ARHGAP10: variants seen among roughly 807,000 people sequenced by gnomAD.
The protein encoded by ARHGAP10 is Rho GTPase activating protein 10.
ARHGAP10 carries 87 observed loss-of-function variants against 108.6 expected under a neutral mutation model. That is an observed-to-expected ratio of 0.80 (90% CI 0.67 to 0.96). The LOEUF (loss-of-function observed/expected upper bound fraction) is 0.96. Ranked by LOEUF, ARHGAP10 falls within the 40% of genes least tolerant of loss-of-function variation. The pLI, the probability that ARHGAP10 is intolerant of heterozygous loss-of-function variation, is 0.00. For missense variants in ARHGAP10, 939 were observed against 954.5 expected (o/e 0.98, Z 0.21); for synonymous variants, 347 against 341.1 (o/e 1.02, Z -0.19).
intron 18 of ARHGAP10, among the ~76,000 whole-genome samples, chr4:148,019,872 G>T (rs989145401): frequency 6.6e-6 from 1 of 152,098 alleles, no homozygotes; most frequent in Non-Finnish European, 1.5e-5. Flanking sequence ...TCTGTGATTT[G>T]CTACCTGTGT....
chr4:148,031,800 C>T (rs1424796066), intron 19 of ARHGAP10, among the ~76,000 whole-genome samples: 1 of 152,158 alleles, frequency 6.6e-6, no homozygotes, highest in Non-Finnish European at 1.5e-5. Context: ...ACATAAAACA[C>T]TGTAACAAGC....
intron 22 of ARHGAP10, among the ~76,000 whole-genome samples, chr4:148,064,834 T>A (rs1470706772): frequency 2.0e-5 from 3 of 152,212 alleles, no homozygotes; most frequent in African/African-American, 7.2e-5. Flanking sequence ...CACACTTTAT[T>A]TTCTTTGTTC....
chr4:147,793,783 T>C (rs950715496), intron 1 of ARHGAP10, among the ~76,000 whole-genome samples: 6 of 152,142 alleles, frequency 3.9e-5, no homozygotes, highest in African/African-American at 1.2e-4. Flanking sequence ...GTACGTGCCT[T>C]CCCCCTTAAC....
chr4:147,748,026 C>T (rs1484461380), intron 1 of ARHGAP10, among the ~76,000 whole-genome samples: 1 of 152,146 alleles, frequency 6.6e-6, no homozygotes, highest in Non-Finnish European at 1.5e-5. Flanking sequence ...CAGGACAGCT[C>T]CCCTACAATG....
intron 4 of ARHGAP10, among the ~76,000 whole-genome samples, chr4:147,857,094 C>T (rs1181405973): frequency 2.6e-5 from 4 of 152,146 alleles, no homozygotes; most frequent in African/African-American, 7.2e-5. Flanking sequence ...TCAGGTGATC[C>T]GCCCGTCTTG....
chr4:148,057,807 C>T (rs1290787997), intron 20 of ARHGAP10, among the ~76,000 whole-genome samples: 2 of 152,250 alleles, frequency 1.3e-5, no homozygotes, highest in Non-Finnish European at 2.9e-5. Flanking sequence ...CACTTGGCTG[C>T]AGAGCAGGTG....
At chr4:148,032,517 T>C (rs1228391811) in intron 19 of ARHGAP10, among the ~76,000 whole-genome samples, 2 of 152,052 alleles carry the variant, frequency 1.3e-5, no homozygotes, top group Non-Finnish European at 2.9e-5. Context: ...ATATCATCAT[T>C]TTTATATGGT....
intron 1 of ARHGAP10, among the ~76,000 whole-genome samples, chr4:147,764,594 C>T (rs148691691): frequency 9.9e-4 from 151 of 152,166 alleles, no homozygotes; most frequent in African/African-American, 3.4e-3. Context: ...AGTGCAGTGG[C>T]GTGATCTCAA....
chr4:148,070,436 A>G (rs1029311348), intron 22 of ARHGAP10, among the ~76,000 whole-genome samples: 2 of 152,220 alleles, frequency 1.3e-5, no homozygotes, highest in African/African-American at 4.8e-5. Context: ...ATGTGTTCCT[A>G]TTCATCCAGG....
intron 19 of ARHGAP10, among the ~76,000 whole-genome samples, chr4:148,030,363 GCTGT>G (rs755763985): frequency 1.3e-5 from 2 of 152,170 alleles, no homozygotes; most frequent in Non-Finnish European, 2.9e-5. Flanking sequence ...AGGTAGCTGG[GCTGT>G]CTAAGAAACA....
intron 8 of ARHGAP10, among the ~76,000 whole-genome samples, chr4:147,878,358 G>A (rs1735168398): frequency 6.6e-6 from 1 of 152,194 alleles, no homozygotes; most frequent in Non-Finnish European, 1.5e-5. Flanking sequence ...GCCTCCCAAA[G>A]TGCTAGGATT....
chr4:147,962,493 A>G (rs917042466), intron 16 of ARHGAP10, among the ~76,000 whole-genome samples: 1 of 152,148 alleles, frequency 6.6e-6, no homozygotes, highest in Non-Finnish European at 1.5e-5. Context: ...TAGTTAGGTA[A>G]TTTGTTCAAG....
At chr4:148,031,668 A>G (rs1441618171) in intron 19 of ARHGAP10, among the ~76,000 whole-genome samples, 1 of 152,196 alleles carries the variant, frequency 6.6e-6, no homozygotes, top group East Asian at 1.9e-4. Flanking sequence ...TTTAAGAATG[A>G]TTCTTAGTTT....
intron 18 of ARHGAP10, among the ~76,000 whole-genome samples, chr4:147,990,231 A>G (rs556910602): frequency 2.6e-5 from 4 of 152,338 alleles, no homozygotes; most frequent in African/African-American, 9.6e-5. Flanking sequence ...CAAATGCTGC[A>G]TTTAGTTAGT....
intron 1 of ARHGAP10, among the ~76,000 whole-genome samples, chr4:147,794,352 A>G (rs895600472): frequency 6.6e-6 from 1 of 152,276 alleles, no homozygotes; most frequent in Non-Finnish European, 1.5e-5. Context: ...TCTTTGCAAC[A>G]TAATGTTAAT....
chr4:147,799,495 G>A (rs1215127556), intron 1 of ARHGAP10, among the ~76,000 whole-genome samples: 4 of 152,134 alleles, frequency 2.6e-5, no homozygotes, highest in Admixed American at 2.6e-4. Flanking sequence ...AGGTCTCTGA[G>A]GCTCTGCTTA....
At chr4:148,064,319 G>C (rs969567007) in intron 21 of ARHGAP10, 97 bp from the exon 22 acceptor site, 4 of 938,818 alleles carry the variant, frequency 4.3e-6, no homozygotes, top group Non-Finnish European at 6.5e-6. Flanking sequence ...CCCTACTGGT[G>C]ACATCAGTGA....
At chr4:147,833,314 G>A (rs989990694) in intron 3 of ARHGAP10, among the ~76,000 whole-genome samples, 1 of 152,174 alleles carries the variant, frequency 6.6e-6, no homozygotes, top group Non-Finnish European at 1.5e-5. Flanking sequence ...GTTCTCACGA[G>A]AGCTGATGGT....
At chr4:147,797,326 T>C in intron 1 of ARHGAP10, among the ~76,000 whole-genome samples, 2 of 152,174 alleles carry the variant, frequency 1.3e-5, no homozygotes, top group Non-Finnish European at 2.9e-5. Context: ...ATGCCTTCTA[T>C]GTTCCTCACC....
Sources: gnomAD v4.1 joint callset for allele counts (sites outside exome capture counted in the v4.1 genomes callset) on GRCh38, gnomAD v4.1.1 for gene constraint, MANE v1.5 for transcripts, NCBI Gene and HGNC (gene_info 2026-07-23, HGNC 2026-07-21) for gene names.